The following ENPEP variants were observed in gnomAD, a reference collection of about 807,000 sequenced individuals.
The protein encoded by ENPEP is AP-A.
A neutral mutation model predicts 114.5 loss-of-function variants in ENPEP; 103 were observed. The observed-to-expected ratio is 0.90, with a 90% CI of 0.77 to 1.06. The LOEUF is 1.06. Ranked by LOEUF, ENPEP falls within the 50% of genes least tolerant of loss-of-function variation. The pLI is 0.00. For missense variants in ENPEP, 1,196 were observed against 1,161.3 expected (o/e 1.03, Z -0.43); for synonymous variants, 420 against 422.0 (o/e 1.00, Z 0.06).
chr4:110,508,775 C>T (rs1725468957), intron 4 of ENPEP, among the ~76,000 whole-genome samples: 1 of 152,154 alleles, frequency 6.6e-6, no homozygotes, highest in Non-Finnish European at 1.5e-5. Flanking sequence ...CGCACCACTG[C>T]CCTCCAGTTT....
In ENPEP at chr4:110,515,369, C is replaced by T. The variant is rs1390995381; in HGVS notation, c.1444-8C>T. 2 of 1,605,510 alleles carry T rather than the reference C, an allele frequency of 1.2e-6. No homozygotes were observed. The stretch of plus-strand genomic sequence containing the variant: ...TTAGTTTCATTTGTCTTTTTATCCC[C>T]ATTGTAGGGATCTTCTATTTTGAGA... On this transcript the variant is annotated splice_polypyrimidine_tract_variant and splice_region_variant and intron_variant, in intron 7 of 19. Coordinates refer to ENST00000265162, the MANE Select transcript of ENPEP (RefSeq NM_001977.4).
chr4:110,484,886 C>T (rs1459255934), intron 1 of ENPEP, among the ~76,000 whole-genome samples: 1 of 150,944 alleles, frequency 6.6e-6, no homozygotes, highest in Admixed American at 6.7e-5. Flanking sequence ...CTTCCTCTCA[C>T]CTCCCACACA....
chr4:110,477,963 G>T (rs7670649), intron 1 of ENPEP, among the ~76,000 whole-genome samples: 1 of 152,042 alleles, frequency 6.6e-6, no homozygotes, highest in Non-Finnish European at 1.5e-5. Context: ...CACTGTGGAT[G>T]TAGCCCTTGC....
intron 3 of ENPEP, among the ~76,000 whole-genome samples, chr4:110,504,499 G>C (rs79170971): frequency 0.012 from 1,780 of 152,174 alleles, 37 homozygotes; most frequent in African/African-American, 0.04. Flanking sequence ...CCAGGGGATG[G>C]GGCCACTGCA....
intron 2 of ENPEP, 140 bp downstream of exon 2, chr4:110,488,822 C>T (rs1449747536): frequency 8.3e-7 from 1 of 1,199,184 alleles, no homozygotes; most frequent in Non-Finnish European, 1.1e-6. Flanking sequence ...GAGTGAAATA[C>T]ATTTTGGCAA....
intron 1 of ENPEP, among the ~76,000 whole-genome samples, chr4:110,487,452 T>A (rs374443979): frequency 7.2e-5 from 11 of 152,184 alleles, no homozygotes; most frequent in East Asian, 3.9e-4. Flanking sequence ...CTGTTATAAT[T>A]TTGCAAAGGC....
chr4:110,519,730 C>T (rs1385601297), intron 8 of ENPEP, among the ~76,000 whole-genome samples: 1 of 151,964 alleles, frequency 6.6e-6, no homozygotes, highest in African/African-American at 2.4e-5. Context: ...ATCTGGCCCA[C>T]CATCCATGTA....
At chr4:110,547,001 T>C (rs151212904) in intron 13 of ENPEP, among the ~76,000 whole-genome samples, 61 of 152,114 alleles carry the variant, frequency 4.0e-4, no homozygotes, top group African/African-American at 1.4e-3. Flanking sequence ...TAGGGAGCCA[T>C]GTTTGACAAG....
rs143212590 is a variant in ENPEP at position 110,520,270 on chromosome 4, A to T, written c.1631A>T (p.Tyr544Phe). ...GACACCTGGACCAGACAGATGGGTT[A>T]TCCTGTGCTTAACGTGAACGGTGTC... ...VMDTWTRQMG[Y>F]PVLNVNGVKN... The change falls in exon 10 of 20, where the codon TAT (tyrosine) becomes TTT (phenylalanine). Residue 544 changes from tyrosine to phenylalanine, a missense_variant. Transcript: ENST00000265162. 2.0e-3 allele frequency: 3,275 copies of T among 1,614,068 alleles called. 54 individuals carry two copies. The African/African-American group carries it at 0.032, about 16-fold the overall frequency.
chr4:110,504,566 G>A (rs1725297417), intron 3 of ENPEP, among the ~76,000 whole-genome samples: 1 of 152,204 alleles, frequency 6.6e-6, no homozygotes, highest in African/African-American at 2.4e-5. Flanking sequence ...ATTATGAAGG[G>A]TCATAGATCA....
At chr4:110,501,354 G>A (rs1366698624) in intron 3 of ENPEP, among the ~76,000 whole-genome samples, 1 of 152,024 alleles carries the variant, frequency 6.6e-6, no homozygotes, top group African/African-American at 2.4e-5. Flanking sequence ...CATGTCATAG[G>A]GGTTTGGTGT....
At chr4:110,505,990 G>C (rs1170380879) in intron 3 of ENPEP, among the ~76,000 whole-genome samples, 3 of 152,216 alleles carry the variant, frequency 2.0e-5, no homozygotes, top group Non-Finnish European at 4.4e-5. Flanking sequence ...TAGTGACTTA[G>C]AGAATTGATG....
Position 110,559,681 on chromosome 4 carries a change from G to T in ENPEP, c.2677G>T (p.Val893Phe). 6.2e-7 allele frequency: 1 copy of T among 1,613,944 alleles called. No homozygotes were observed. Among genetic ancestry groups the T allele is most frequent in the Non-Finnish European group, 8.5e-7 (1 of 1,179,880 alleles). Residue 893 changes from valine to phenylalanine, a missense_variant, in exon 19 of 20, where the codon GTC (valine) becomes TTC (phenylalanine). Val to Phe is a conservative substitution (Grantham distance 50). Coordinates refer to ENST00000265162, the MANE Select transcript of ENPEP (RefSeq NM_001977.4). ...CAATAACAGAAACCTTGGCCGAATT[G>T]TCACAATAGCAGAGCCATTCAACAC... The part of the protein sequence containing the change: ...TLNNRNLGRI[V>F]TIAEPFNTEL...
intron 3 of ENPEP, 27 bp downstream of exon 3, chr4:110,491,191 T>C: frequency 6.4e-7 from 1 of 1,572,282 alleles, no homozygotes; most frequent in Non-Finnish European, 8.6e-7. Flanking sequence ...TTTAAAAATT[T>C]ACCACCTATG....
intron 11 of ENPEP, among the ~76,000 whole-genome samples, chr4:110,533,695 G>C (rs1237350648): frequency 4.6e-5 from 7 of 152,150 alleles, no homozygotes; most frequent in Non-Finnish European, 1.5e-5. Flanking sequence ...GACTGTGAAA[G>C]TGAAAGAGCA....
At chr4:110,494,456 A>G (rs961965102) in intron 3 of ENPEP, among the ~76,000 whole-genome samples, 1 of 152,334 alleles carries the variant, frequency 6.6e-6, no homozygotes, top group South Asian at 2.1e-4. Context: ...TTCTGACAGT[A>G]TTATTCTGGT....
chr4:110,501,712 G>A (rs758824517), intron 3 of ENPEP, among the ~76,000 whole-genome samples: 15 of 152,116 alleles, frequency 9.9e-5, no homozygotes, highest in East Asian at 1.9e-4. Flanking sequence ...TTCCATCCAC[G>A]TCTTTGCTAC....
Position 110,520,056 on chromosome 4 carries a change from T to G in ENPEP, c.1558T>G (p.Trp520Gly), listed in dbSNP as rs778288345. 9.9e-6 allele frequency: 16 copies of G among 1,613,946 alleles called. No individual in the cohort carries two copies. The highest frequency in any genetic ancestry group is 3.3e-5 in the Admixed American group (2 of 60,010). ...CAAGAATGCAAAAACTTCTGATTTT[T>G]GGGCAGCACTGGAAGAGGTAAGGAA... ...QFKNAKTSDFWAALEEASRLP... is the reference protein window; with the variant it reads ...QFKNAKTSDFGAALEEASRLP... Residue 520 changes from tryptophan (W) to glycine (G), a missense_variant, in exon 9 of 20, where the codon TGG becomes GGG. Trp to Gly is a radical substitution (Grantham distance 184). Transcript: ENST00000265162.
intron 14 of ENPEP, among the ~76,000 whole-genome samples, chr4:110,548,733 A>AT (rs1322389487): frequency 6.6e-6 from 1 of 151,996 alleles, no homozygotes; most frequent in Non-Finnish European, 1.5e-5. Context: ...CCACATTGAG[A>AT]TTTTATCATA....
Sources: allele counts gnomAD v4.1 joint callset (sites outside exome capture counted in the v4.1 genomes callset), GRCh38; gene constraint gnomAD v4.1.1; transcripts MANE v1.5; gene names NCBI Gene and HGNC (gene_info 2026-07-23, HGNC 2026-07-21).